PTGES3L: variants seen among roughly 807,000 people sequenced by gnomAD.
PTGES3L encodes the protein prostaglandin E synthase 3 like, also known as putative protein PTGES3L.
PTGES3L carries 17 observed loss-of-function variants against 25.0 expected under a neutral mutation model. The ratio of observed to expected loss-of-function variants is 0.68; its 90% CI spans 0.47 to 1.02. PTGES3L has a LOEUF of 1.02. Among genes scored for constraint, PTGES3L ranks in the 50% least tolerant of loss-of-function variants. PTGES3L has a pLI of 0.00. For missense variants in PTGES3L, 202 were observed against 197.5 expected (o/e 1.02, Z -0.14); for synonymous variants, 59 against 65.7 (o/e 0.90, Z 0.50).
intron 4 of PTGES3L, among the ~76,000 whole-genome samples, chr17:42,972,880 C>G (rs1210164956): frequency 1.3e-5 from 2 of 149,434 alleles, no homozygotes; most frequent in African/African-American, 4.9e-5. Context: ...AAGTGAGGAG[C>G]GCCTCTTCCC....
intron 5 of PTGES3L, 82 bp downstream of exon 5, chr17:42,971,525 G>T (rs1318605368): frequency 6.6e-6 from 10 of 1,514,696 alleles, no homozygotes; most frequent in African/African-American, 1.4e-5. Flanking sequence ...CTTGGCCCCA[G>T]TGACAATCCT....
At chr17:42,974,730 GCCACTGTACT>G (rs966124938) in intron 4 of PTGES3L, among the ~76,000 whole-genome samples, 2 of 147,962 alleles carry the variant, frequency 1.4e-5, no homozygotes, top group African/African-American at 5.0e-5. Flanking sequence ...TCGAGATCAC[GCCACTGTACT>G]CCAACCTGGG....
chr17:42,970,848 C>CA (rs1227687581), intron 5 of PTGES3L, among the ~76,000 whole-genome samples: 24 of 149,762 alleles, frequency 1.6e-4, no homozygotes, highest in African/African-American at 3.9e-4. Context: ...ACCAAAAATA[C>CA]AAAAAAAAAT....
At chr17:42,978,957 G>A (rs891104063) in intron 4 of PTGES3L, among the ~76,000 whole-genome samples, 3 of 152,116 alleles carry the variant, frequency 2.0e-5, no homozygotes, top group East Asian at 1.9e-4. Context: ...CTGAGATCAC[G>A]CCACTGCACT....
chr17:42,974,804 A>T (rs1242234053), intron 4 of PTGES3L, among the ~76,000 whole-genome samples: 2 of 150,928 alleles, frequency 1.3e-5, no homozygotes, highest in Non-Finnish European at 2.9e-5. Flanking sequence ...TATTGAACAC[A>T]TACTATGGAC....
chr17:42,973,644 C>G (rs1479338037), intron 4 of PTGES3L, among the ~76,000 whole-genome samples: 1 of 149,054 alleles, frequency 6.7e-6, no homozygotes, highest in Non-Finnish European at 1.5e-5. Flanking sequence ...TTTTGTTCTG[C>G]ACTAAGAAAA....
rs1468316749 is a variant in PTGES3L at position 42,973,879 on chromosome 17, C to T, written c.289-2183G>A. Among the ~76,000 whole-genome samples, 3 of 141,026 alleles carry T rather than the reference C, an allele frequency of 2.1e-5. No individual in the cohort carries two copies. In the East Asian group the frequency reaches 6.1e-4, roughly 29 times the overall value. 92.5% of individuals were successfully genotyped at this position (141,026 alleles called of 152,430 possible). Reference sequence around the variant, plus strand: ...TGCGGAAGGCCGCAGGGTCCTCTGCCTAGGAAAACCAGAGACCTTTGTTCA... The same window carrying T: ...TGCGGAAGGCCGCAGGGTCCTCTGCTTAGGAAAACCAGAGACCTTTGTTCA... On this transcript the variant is annotated intron_variant, in intron 4 of 6. Transcript: ENST00000591916.
Position 42,969,003 on chromosome 17 carries a change from C to T in PTGES3L, c.*145G>A. On this transcript the variant is annotated 3_prime_UTR_variant, in exon 7 of 7. Transcript: ENST00000591916. ...GAGGAAGACAAGCTTGAAGGACGAC[C>T]CTTAATAAAGAGCTTCTAGGAAAGT... 1 of 603,094 alleles carries T rather than the reference C, an allele frequency of 1.7e-6. No individual in the cohort carries two copies. The highest frequency in any genetic ancestry group is 2.9e-6 in the Non-Finnish European group (1 of 339,044). The allele number at this position is 603,094 out of a possible 1,614,324, so 37.4% of individuals were successfully genotyped here. A position where few individuals can be genotyped will look rare whatever the true frequency, so the allele number is the denominator to read the frequency against.
intron 4 of PTGES3L, among the ~76,000 whole-genome samples, chr17:42,978,364 G>A (rs992239264): frequency 4.6e-5 from 7 of 152,108 alleles, no homozygotes; most frequent in African/African-American, 1.4e-4. Flanking sequence ...CCAAGATCGC[G>A]CCACTGCACT....
rs2049770171 is a variant in PTGES3L, at chr17:42,968,333, C to T, written c.*815G>A. 6.6e-6 allele frequency: 1 copy of T among 151,950 alleles called. No homozygotes were observed. Among genetic ancestry groups the T allele is most frequent in the African/African-American group, 2.4e-5 (1 of 41,360 alleles). The allele number at this position is 151,950 out of a possible 1,614,324, so 9.4% of individuals were successfully genotyped here. A position where few individuals can be genotyped will look rare whatever the true frequency, so the allele number is the denominator to read the frequency against. ...ATTACTTGAGGTCAGGAGTTCGAGACCAGCCTGGCCAACATGGTGAAACCC... is the reference window on the plus strand; with the variant it reads ...ATTACTTGAGGTCAGGAGTTCGAGATCAGCCTGGCCAACATGGTGAAACCC... On this transcript the variant is annotated 3_prime_UTR_variant, in exon 7 of 7. Coordinates refer to ENST00000591916, the MANE Select transcript of PTGES3L (RefSeq NM_001261430.2).
At chr17:42,973,018 C>T (rs1017275292) in intron 4 of PTGES3L, among the ~76,000 whole-genome samples, 22 of 148,304 alleles carry the variant, frequency 1.5e-4, no homozygotes, top group African/African-American at 4.2e-4. Flanking sequence ...GCCGCGACCC[C>T]GTCTGGGAGG....
At chr17:42,974,311 G>A (rs2049915231) in intron 4 of PTGES3L, among the ~76,000 whole-genome samples, 1 of 147,546 alleles carries the variant, frequency 6.8e-6, no homozygotes, top group Non-Finnish European at 1.5e-5. Flanking sequence ...AGTAAGCTGA[G>A]ATCGCGCCAC....
chr17:42,975,763 G>GC (rs2049942790), intron 4 of PTGES3L, among the ~76,000 whole-genome samples: 1 of 152,060 alleles, frequency 6.6e-6, no homozygotes, highest in South Asian at 2.1e-4. Context: ...TGCAACCTCT[G>GC]CCTCCCGGGT....
At chr17:42,971,839 A>C (rs2049842841) in intron 4 of PTGES3L, 143 bp from the exon 5 acceptor site, 1 of 668,656 alleles carries the variant, frequency 1.5e-6, no homozygotes, top group South Asian at 1.9e-5. Context: ...TCCTTTGACC[A>C]GGAACCTGCC....
intron 4 of PTGES3L, among the ~76,000 whole-genome samples, 175 bp downstream of exon 4, chr17:42,978,995 C>T (rs1412431552): frequency 1.3e-5 from 2 of 151,848 alleles, no homozygotes; most frequent in African/African-American, 4.8e-5. Context: ...AGTGAAACTC[C>T]GTCTCAAAAT....
intron 4 of PTGES3L, among the ~76,000 whole-genome samples, chr17:42,974,287 C>G (rs1471212770): frequency 2.8e-5 from 4 of 145,256 alleles, no homozygotes; most frequent in Non-Finnish European, 6.0e-5. Flanking sequence ...TTGAACCTGG[C>G]AGGTGGAAGC....
intron 6 of PTGES3L, 82 bp from the exon 7 acceptor site, chr17:42,969,268 C>T: frequency 1.3e-6 from 1 of 798,332 alleles, no homozygotes; most frequent in Non-Finnish European, 1.9e-6. Context: ...ACTGCTTCCT[C>T]TCTCCTGTTC....
At chr17:42,973,241 T>G (rs1214853754) in intron 4 of PTGES3L, among the ~76,000 whole-genome samples, 1 of 127,906 alleles carries the variant, frequency 7.8e-6, no homozygotes, top group African/African-American at 3.0e-5. Context: ...GGGAGGGAGG[T>G]GGGGGGGTCA....
chr17:42,971,725 G>T (rs1322170371), intron 4 of PTGES3L, 29 bp from the exon 5 acceptor site: 4 of 1,612,640 alleles, frequency 2.5e-6, no homozygotes, highest in Non-Finnish European at 3.4e-6. Flanking sequence ...AGAGTCACAG[G>T]CCAGGAGGGC....
Sources: allele counts gnomAD v4.1 joint callset (sites outside exome capture counted in the v4.1 genomes callset), GRCh38; gene constraint gnomAD v4.1.1; transcripts MANE v1.5; gene names NCBI Gene and HGNC (gene_info 2026-07-23, HGNC 2026-07-21).